NBEAL2: variants seen among roughly 807,000 people sequenced by gnomAD.
NBEAL2 encodes neurobeachin-like protein 2.
In NBEAL2, 160 loss-of-function variants were observed where a neutral mutation model predicts 299.8. The ratio of observed to expected loss-of-function variants is 0.53; its 90% CI spans 0.47 to 0.61. The LOEUF is 0.61. NBEAL2 is among the 20% of genes least tolerant of loss of function. NBEAL2 has a pLI of 0.00. For synonymous variants in NBEAL2, 1,493 were observed against 1,542.3 expected (o/e 0.97, Z 0.75); for missense variants, 3,112 against 3,649.0 (o/e 0.85, Z 3.79).
intron 1 of NBEAL2, among the ~76,000 whole-genome samples, chr3:46,984,821 G>T (rs2035582072): frequency 6.6e-6 from 1 of 152,134 alleles, no homozygotes; most frequent in African/African-American, 2.4e-5. Flanking sequence ...CACAGAGGGG[G>T]CTGGGGGTTG....
chr3:46,988,915 C>A lies in NBEAL2; in HGVS notation c.214C>A (p.Gln72Lys), dbSNP rs2035869614. Residue 72 changes from glutamine (Q) to lysine (K), a missense_variant, in exon 3 of 54, where the codon CAG becomes AAG. Gln to Lys is a moderately conservative substitution (Grantham distance 53, BLOSUM62 1). Transcript: ENST00000450053. This position sits in a 1 kb window ranked among gnomAD's most constrained non-coding sequence, Gnocchi z 4.4. ...GCATGTGCTGGCCGAACAGCTGCAC[C>A]AGGCTGACCTGGAGCAAGCCCTCCT... ...ELHVLAEQLHQADLEQALLLL... is the reference protein window; with the variant it reads ...ELHVLAEQLHKADLEQALLLL... 1 of 1,612,974 alleles carries A rather than the reference C, an allele frequency of 6.2e-7. No individual in the cohort carries two copies. The highest frequency in any genetic ancestry group is 8.5e-7 in the Non-Finnish European group (1 of 1,179,380).
In NBEAL2 at chr3:47,002,180, G is replaced by T. The variant is rs980934201; in HGVS notation, c.5043G>T (p.Leu1681=). 6.5e-7 allele frequency: 1 copy of T among 1,528,342 alleles called. No homozygotes were observed. The highest frequency in any genetic ancestry group is 2.4e-5 in the East Asian group (1 of 40,884). The allele number at this position is 1,528,342 out of a possible 1,614,324, so 94.7% of individuals were successfully genotyped here. The part of the protein sequence containing the change: ...LLDRAYEPLG[L]QWGLPSLPPT... ...ACCGTGCCTATGAGCCGCTGGGGCT[G>T]CAGTGGGGACTGCCCTCCCTGCCAC... The change falls in exon 31 of 54, where the codon CTG becomes CTT. Residue 1681 remains leucine (L), a synonymous_variant. Transcript: ENST00000450053.
rs1479234184 is a variant in NBEAL2, at chr3:46,988,055, C to A, written c.52-614C>A. 2 of 1,267,162 alleles carry A rather than the reference C, an allele frequency of 1.6e-6. No individual in the cohort carries two copies. The highest frequency in any genetic ancestry group is 2.0e-6 in the Non-Finnish European group (2 of 978,234). 78.5% of individuals were successfully genotyped at this position (1,267,162 alleles called of 1,614,324 possible). On this transcript the variant is annotated intron_variant, in intron 1 of 53. Transcript: ENST00000450053. This position sits in a 1 kb window ranked among gnomAD's most constrained non-coding sequence, Gnocchi z 4.4. ...CCACTGCCCCTCTTGCCCATGGAAC[C>A]AGCTCTGGGGCCTGGGGTCCAGGTA...
In NBEAL2 at chr3:47,009,315, C is replaced by T. The variant is rs1374638297; in HGVS notation, c.8260C>T (p.Arg2754Cys). 6.3e-7 allele frequency: 1 copy of T among 1,592,088 alleles called. No homozygotes were observed. Among genetic ancestry groups the T allele is most frequent in the Admixed American group, 1.7e-5 (1 of 58,056 alleles). The change falls in exon 54 of 54, where the codon CGC (arginine) becomes TGC (cysteine). Residue 2754 changes from arginine to cysteine, a missense_variant. By Grantham distance (180) the Arg-to-Cys change is radical. This residue lies in a region of NBEAL2 where 348 missense variants were observed against 381.4 expected (regional missense o/e 0.91). Coordinates refer to ENST00000450053, the MANE Select transcript of NBEAL2 (RefSeq NM_015175.3). ...GACGGAATACAACCCTACTGAGGCGCGCTGAACCTGGCCAGTCCGGCTGCT... is the reference window on the plus strand; with the variant it reads ...GACGGAATACAACCCTACTGAGGCGTGCTGAACCTGGCCAGTCCGGCTGCT... The part of the protein sequence containing the change: ...GETEYNPTEA[R>C]
rs565909891 is a variant in NBEAL2, at chr3:47,005,502, G to C, written c.6574G>C (p.Asp2192His). 2 of 1,611,396 alleles carry C rather than the reference G, an allele frequency of 1.2e-6. No individual in the cohort carries two copies. Among genetic ancestry groups the C allele is most frequent in the Non-Finnish European group, 1.7e-6 (2 of 1,179,044 alleles). The change falls in exon 41 of 54, where the codon GAC becomes CAC. Residue 2192 changes from aspartate to histidine, a missense_variant. By Grantham distance (81) the Asp-to-His change is moderately conservative (BLOSUM62 -1). Coordinates refer to ENST00000450053, the MANE Select transcript of NBEAL2 (RefSeq NM_015175.3). The part of the protein sequence containing the change: ...QLQSGRFDCS[D>H]RQFHSVAAAW... ...CCCCTCCCCCAGCTTTGACTGCTCC[G>C]ACCGGCAGTTCCACTCGGTGGCGGC...
chr3:46,988,212 G>A lies in NBEAL2; in HGVS notation c.52-457G>A, dbSNP rs779425330. On this transcript the variant is annotated intron_variant, in intron 1 of 53. Transcript: ENST00000450053. The surrounding 1 kb of genome is among the most constrained non-coding windows in gnomAD (Gnocchi z 4.4). ...ACAGTTAAAGAAGGCTACTGAAGGT[G>A]GTGGCTGCTGGGCTGGGTGAAGATG... 3 of 648,246 alleles carry A rather than the reference G, an allele frequency of 4.6e-6. No individual in the cohort carries two copies. The highest frequency in any genetic ancestry group is 6.5e-6 in the Non-Finnish European group (3 of 463,690). 40.2% of individuals were successfully genotyped at this position (648,246 alleles called of 1,614,324 possible). A position where few individuals can be genotyped will look rare whatever the true frequency, so the allele number is the denominator to read the frequency against.
rs906718006 is a variant in NBEAL2 at position 46,995,177 on chromosome 3, G to A, written c.1442G>A (p.Ser481Asn). The change falls in exon 13 of 54, where the codon AGC becomes AAC. Residue 481 changes from serine to asparagine, a missense_variant. By Grantham distance (46) the Ser-to-Asn change is conservative. Around this residue, in one of 3 missense-constraint regions of NBEAL2, gnomAD observed 2,243 missense variants for 2,538.1 expected, o/e 0.88. Transcript: ENST00000450053. ...CAACGCCTCAGGTGGCTCTGTGACA[G>A]CTGCCCTGCCAGCCGTGCCACCTGT... ...LAQRLRWLCD[S>N]CPASRATCVQ... is the part of the protein sequence containing the mutation. 8 of 1,564,488 alleles carry A rather than the reference G, an allele frequency of 5.1e-6. No individual in the cohort carries two copies. The highest frequency in any genetic ancestry group is 6.1e-6 in the Non-Finnish European group (7 of 1,154,914).
chr3:46,981,731 G>C (rs2035359428), intron 1 of NBEAL2, among the ~76,000 whole-genome samples: 1 of 152,206 alleles, frequency 6.6e-6, no homozygotes, highest in Non-Finnish European at 1.5e-5. Flanking sequence ...GCTGGTGAGT[G>C]TGAGGGATGT....
At position 46,998,860 on chromosome 3, in the gene NBEAL2, C is replaced by G. The variant is rs763208108; in HGVS notation, c.3365C>G (p.Ala1122Gly). ...CAGACCATGCTGAGCTTTTTGGCGG[C>G]CACAGGCGATGACGGTCAGGTAGGC... ...VTQTMLSFLA[A>G]TGDDGQAVGA... Residue 1122 changes from alanine (A) to glycine (G), a missense_variant, in exon 23 of 54, where the codon GCC becomes GGC. By Grantham distance (60) the Ala-to-Gly change is moderately conservative (BLOSUM62 0). Around this residue, in one of 3 missense-constraint regions of NBEAL2, gnomAD observed 2,243 missense variants for 2,538.1 expected, o/e 0.88. Transcript: ENST00000450053. 6.3e-7 allele frequency: 1 copy of G among 1,588,676 alleles called. No homozygotes were observed.
chr3:46,997,109 G>A, intron 18 of NBEAL2, 63 bp downstream of exon 18: 6 of 1,564,194 alleles, frequency 3.8e-6, no homozygotes, highest in Non-Finnish European at 5.3e-6. Flanking sequence ...TGTGTGTTCG[G>A]AGTCAGCTGG....
chr3:46,991,543 C>G lies in NBEAL2; in HGVS notation c.780C>G (p.Val260=), dbSNP rs1179401074. 2.5e-5 allele frequency: 41 copies of G among 1,608,102 alleles called. No individual in the cohort carries two copies. Among genetic ancestry groups the G allele is most frequent in the Non-Finnish European group, 3.4e-5 (40 of 1,179,876 alleles). The change falls in exon 8 of 54, where the codon GTC becomes GTG. Residue 260 remains valine, a synonymous_variant. Coordinates refer to ENST00000450053, the MANE Select transcript of NBEAL2 (RefSeq NM_015175.3). This position sits in a 1 kb window ranked among gnomAD's most constrained non-coding sequence, Gnocchi z 6.2. ...AGGCACTGGTAGGTGCAGTCCATGTCTTGCATGCCAGCCGCGCACCTCCTC... is the reference window on the plus strand; with the variant it reads ...AGGCACTGGTAGGTGCAGTCCATGTGTTGCATGCCAGCCGCGCACCTCCTC... ...ALEALVGAVH[V]LHASRAPPRG...
At position 46,992,556 on chromosome 3, in the gene NBEAL2, G is replaced by C; in HGVS notation, c.1113+1G>C. The stretch of plus-strand genomic sequence containing the variant: ...ACTGACTGAGCCCGATGTCCAAAAG[G>C]TACCATCCTGGGGCTGACCAGCTCA... On this transcript the variant is annotated splice_donor_variant, in intron 10 of 53. Coordinates refer to ENST00000450053, the MANE Select transcript of NBEAL2 (RefSeq NM_015175.3). LOFTEE classifies it high-confidence loss of function. 1 of 1,593,632 alleles carries C rather than the reference G, an allele frequency of 6.3e-7. No individual in the cohort carries two copies. Among genetic ancestry groups the C allele is most frequent in the Non-Finnish European group, 8.5e-7 (1 of 1,170,500 alleles).
chr3:46,988,764 C>G lies in NBEAL2; in HGVS notation c.140+7C>G, dbSNP rs900010541. 2 of 1,612,790 alleles carry G rather than the reference C, an allele frequency of 1.2e-6. No individual in the cohort carries two copies. On this transcript the variant is annotated splice_region_variant and intron_variant, in intron 2 of 53. Coordinates refer to ENST00000450053, the MANE Select transcript of NBEAL2 (RefSeq NM_015175.3). The surrounding 1 kb of genome is among the most constrained non-coding windows in gnomAD (Gnocchi z 4.4). ...CCTCTCTGGAGCCACGAAGGTGAGG[C>G]TGGATCTGCACTGAGGGCAGGGACA...
intron 21 of NBEAL2, 72 bp downstream of exon 21, chr3:46,998,298 G>A (rs2036661603): frequency 1.9e-6 from 3 of 1,554,964 alleles, no homozygotes; most frequent in African/African-American, 1.4e-5. Context: ...ACTCTGCTCT[G>A]GGGGATCTGA....
Position 47,006,159 on chromosome 3 carries a change from T to C in NBEAL2, c.6920-6T>C. On this transcript the variant is annotated splice_region_variant and splice_polypyrimidine_tract_variant and intron_variant, in intron 43 of 53. Coordinates refer to ENST00000450053, the MANE Select transcript of NBEAL2 (RefSeq NM_015175.3). ...GGAGCCCTGACTGCTCTGCCTGCCT[T>C]CCCAGGGGCTGTAGACCTGGACCAT... is the stretch of plus-strand genomic sequence containing the variant. 1 of 1,613,770 alleles carries C rather than the reference T, an allele frequency of 6.2e-7. No homozygotes were observed. Among genetic ancestry groups the C allele is most frequent in the Non-Finnish European group, 8.5e-7 (1 of 1,179,848 alleles).
At position 47,003,984 on chromosome 3, in the gene NBEAL2, CTGG is replaced by C. The variant is rs751357410; in HGVS notation, c.5881+14_5881+16del. 4.0e-5 allele frequency: 65 copies of C among 1,612,340 alleles called. No individual in the cohort carries two copies. Among genetic ancestry groups the C allele is most frequent in the Non-Finnish European group, 5.1e-5 (60 of 1,178,858 alleles). Reference sequence around the variant, plus strand: ...GCGTGGAAACCGAGGAGGGTGCGTCCTGGTGGTGTGGTTTAGGAGGATGGCAGG... The same window carrying C: ...GCGTGGAAACCGAGGAGGGTGCGTCCTGGTGTGGTTTAGGAGGATGGCAGG... On this transcript the variant is annotated intron_variant, in intron 36 of 53. Coordinates refer to ENST00000450053, the MANE Select transcript of NBEAL2 (RefSeq NM_015175.3). The surrounding 1 kb of genome is among the most constrained non-coding windows in gnomAD (Gnocchi z 7.0).
Position 47,004,355 on chromosome 3 carries a change from TC to T in NBEAL2, c.6166del (p.Gln2056ArgfsTer24), listed in dbSNP as rs780892300. On this transcript the variant is annotated frameshift_variant, in exon 37 of 54. Transcript: ENST00000450053. LOFTEE classifies it high-confidence loss of function. This position sits in a 1 kb window ranked among gnomAD's most constrained non-coding sequence, Gnocchi z 5.0. ...CTCTCAAGGCTACCTAAGCAGCCGC[TC>T]CCCCCAGGAGATGCTGCGTGCCTCA... ...PPSQGYLSSR[S>X]PQEMLRASGL... The T allele has an allele frequency of 1.2e-6, 2 of 1,602,640 alleles. No individual in the cohort carries two copies. Among genetic ancestry groups the T allele is most frequent in the Non-Finnish European group, 1.7e-6 (2 of 1,173,466 alleles).
Position 46,996,527 on chromosome 3 carries a change from T to C in NBEAL2, c.2408T>C (p.Leu803Pro). The C allele has an allele frequency of 6.4e-7, 1 of 1,552,050 alleles. No individual in the cohort carries two copies. Among genetic ancestry groups the C allele is most frequent in the Non-Finnish European group, 8.7e-7 (1 of 1,146,052 alleles). Residue 803 changes from leucine (L) to proline (P), a missense_variant, in exon 16 of 54, where the codon CTG (leucine) becomes CCG (proline). Coordinates refer to ENST00000450053, the MANE Select transcript of NBEAL2 (RefSeq NM_015175.3). ...AGCCCCACATCCCTGGAGGGTGAGC[T>C]GGGGGCTGTGGCCATCTTTCACGAA... ...WGSPTSLEGE[L>P]GAVAIFHEAL...
rs2035923392 is a variant in NBEAL2, at chr3:46,989,457, G to T, written c.474-54G>T. 3.2e-6 allele frequency: 5 copies of T among 1,565,232 alleles called. No individual in the cohort carries two copies. Among genetic ancestry groups the T allele is most frequent in the Admixed American group, 1.9e-5 (1 of 52,486 alleles). ...GGCCGCGCTGGGCCCAAGGAGGGGT[G>T]ACGGCCAGGAGTGGTGAGAGCCGGG... On this transcript the variant is annotated intron_variant, in intron 5 of 53. Transcript: ENST00000450053. The surrounding 1 kb of genome is among the most constrained non-coding windows in gnomAD (Gnocchi z 5.5).
Sources: gnomAD v4.1 joint callset for allele counts (sites outside exome capture counted in the v4.1 genomes callset) on GRCh38, gnomAD v4.1.1 for gene constraint, gnomAD v4.1.1 regional missense constraint, Gnocchi (gnomAD v3.1) non-coding constraint, MANE v1.5 for transcripts, NCBI Gene and HGNC (gene_info 2026-07-23, HGNC 2026-07-21) for gene names.